NYAP2: variants seen among roughly 807,000 people sequenced by gnomAD.
NYAP2 encodes the protein neuronal tyrosine-phosphorylated phosphoinositide-3-kinase adaptor 2, also known as neuronal tyrosine-phosphorylated phosphoinositide-3-kinase adapter 2.
Under a neutral mutation model 50.4 loss-of-function variants are expected in NYAP2, and 23 were observed. That is an observed-to-expected ratio of 0.46 (90% CI 0.33 to 0.65). NYAP2 has a LOEUF of 0.65. Among genes scored for constraint, NYAP2 ranks in the 30% least tolerant of loss-of-function variants. The pLI is 0.02. For missense variants in NYAP2, 885 were observed against 861.0 expected (o/e 1.03, Z -0.35); for synonymous variants, 394 against 365.2 (o/e 1.08, Z -0.90).
chr2:225,695,063 T>C, the NYAP2 span, among the ~76,000 whole-genome samples: 1 of 151,866 alleles, frequency 6.6e-6, no homozygotes, highest in Admixed American at 6.6e-5. Context: ...TTTATAATTT[T>C]TATTCTTATT....
chr2:225,669,373 C>A, the NYAP2 span, among the ~76,000 whole-genome samples: 3 of 152,202 alleles, frequency 2.0e-5, no homozygotes, highest in Non-Finnish European at 4.4e-5. Context: ...ACAAATAAGA[C>A]ACCATTGTTT....
intron 3 of NYAP2, among the ~76,000 whole-genome samples, chr2:225,470,679 C>T (rs550619025): frequency 6.2e-4 from 95 of 152,272 alleles, no homozygotes; most frequent in Middle Eastern, 6.8e-3. Context: ...TAGCCAACTC[C>T]TTACTTGGGA....
At chr2:225,639,832 T>A (rs777904194) in intron 6 of NYAP2, among the ~76,000 whole-genome samples, 4 of 151,862 alleles carry the variant, frequency 2.6e-5, no homozygotes, top group Non-Finnish European at 4.4e-5. Flanking sequence ...TCCTTTAGAG[T>A]GTGTTTCAAC....
At chr2:225,443,274 T>C (rs1392997035) in intron 3 of NYAP2, among the ~76,000 whole-genome samples, 8 of 152,188 alleles carry the variant, frequency 5.3e-5, no homozygotes, top group African/African-American at 1.7e-4. Flanking sequence ...ACCTATAACA[T>C]TGAGGTAATT....
At chr2:225,506,760 C>T (rs1690714378) in intron 3 of NYAP2, among the ~76,000 whole-genome samples, 1 of 151,908 alleles carries the variant, frequency 6.6e-6, no homozygotes, top group Non-Finnish European at 1.5e-5. Flanking sequence ...TGAAAGATTC[C>T]AAGAGTTAAC....
chr2:225,544,227 T>C (rs1325628283), intron 4 of NYAP2, among the ~76,000 whole-genome samples: 1 of 151,882 alleles, frequency 6.6e-6, no homozygotes, highest in Non-Finnish European at 1.5e-5. Flanking sequence ...GGGTGTTTTT[T>C]TTTTTTATCC....
downstream of NYAP2, among the ~76,000 whole-genome samples, chr2:225,654,464 C>A (rs1006801111): frequency 2.6e-5 from 4 of 152,092 alleles, no homozygotes; most frequent in Admixed American, 2.0e-4. Flanking sequence ...AGGTGGATCA[C>A]CTGACTTTAG....
chr2:225,532,008 C>T (rs773683557), intron 4 of NYAP2, among the ~76,000 whole-genome samples: 3 of 152,132 alleles, frequency 2.0e-5, no homozygotes, highest in Non-Finnish European at 4.4e-5. Context: ...TCAGCTTGTG[C>T]CATTTATATA....
chr2:225,592,572 T>C (rs1478959486), intron 5 of NYAP2, among the ~76,000 whole-genome samples: 2 of 152,218 alleles, frequency 1.3e-5, no homozygotes, highest in African/African-American at 2.4e-5. Flanking sequence ...AGGGATTTTT[T>C]TTCAGGATGA....
chr2:225,668,932 T>A, the NYAP2 span, among the ~76,000 whole-genome samples: 1 of 141,990 alleles, frequency 7.0e-6, no homozygotes, highest in South Asian at 2.2e-4. Context: ...AAGAAAAAAA[T>A]TGTGTCCTAA....
intron 3 of NYAP2, among the ~76,000 whole-genome samples, chr2:225,469,994 T>G (rs193085235): frequency 7.9e-4 from 120 of 152,184 alleles, no homozygotes; most frequent in Middle Eastern, 3.4e-3. Context: ...GAGCTTGAAG[T>G]AGAATAATAA....
the NYAP2 span, chr2:225,703,225 C>CG: frequency 6.6e-6 from 1 of 151,562 alleles, no homozygotes; most frequent in African/African-American, 2.4e-5. Flanking sequence ...TAGTGGATAA[C>CG]GGCACTACAT....
chr2:225,671,723 G>A, the NYAP2 span, among the ~76,000 whole-genome samples: 1 of 152,134 alleles, frequency 6.6e-6, no homozygotes, highest in Admixed American at 6.6e-5. Context: ...GGCAGCTATA[G>A]CCTTATGAAA....
At chr2:225,662,015 C>G in the NYAP2 span, among the ~76,000 whole-genome samples, 1 of 152,216 alleles carries the variant, frequency 6.6e-6, no homozygotes, top group Non-Finnish European at 1.5e-5. Context: ...TGAGCCACTG[C>G]ACCTGCCCCT....
At chr2:225,557,808 A>G (rs933582906) in intron 4 of NYAP2, among the ~76,000 whole-genome samples, 8 of 152,224 alleles carry the variant, frequency 5.3e-5, no homozygotes, top group African/African-American at 1.9e-4. Flanking sequence ...GCTAAGTAGA[A>G]TAGACTAGGC....
chr2:225,528,415 G>C (rs1005597407), intron 4 of NYAP2, among the ~76,000 whole-genome samples: 1 of 152,104 alleles, frequency 6.6e-6, no homozygotes, highest in Non-Finnish European at 1.5e-5. Flanking sequence ...CCGCCGCAAA[G>C]TGCTTGGATT....
chr2:225,528,322 T>C (rs1473822619), intron 4 of NYAP2, among the ~76,000 whole-genome samples: 1 of 152,224 alleles, frequency 6.6e-6, no homozygotes, highest in Non-Finnish European at 1.5e-5. Context: ...TTCTAAATAC[T>C]TGGCAAATAA....
chr2:225,427,661 C>T (rs1343761820), intron 3 of NYAP2, among the ~76,000 whole-genome samples: 1 of 152,170 alleles, frequency 6.6e-6, no homozygotes, highest in Non-Finnish European at 1.5e-5. Context: ...TGCTTGCTAT[C>T]TCTTATTTTG....
the NYAP2 span, among the ~76,000 whole-genome samples, chr2:225,688,699 A>G: frequency 6.6e-6 from 1 of 152,304 alleles, no homozygotes; most frequent in Admixed American, 6.5e-5. Context: ...TATCCATTTT[A>G]TTCATCTTAT....
Sources: allele counts gnomAD v4.1 joint callset (sites outside exome capture counted in the v4.1 genomes callset), GRCh38; gene constraint gnomAD v4.1.1; transcripts MANE v1.5; gene names NCBI Gene and HGNC (gene_info 2026-07-23, HGNC 2026-07-21).